PPIL6: variants seen among roughly 807,000 people sequenced by gnomAD.
PPIL6 encodes probable inactive peptidyl-prolyl cis-trans isomerase-like 6.
A neutral mutation model predicts 36.8 loss-of-function variants in PPIL6; 39 were observed. That is an observed-to-expected ratio of 1.06 (90% confidence interval 0.82 to 1.38). The LOEUF is 1.38. Among genes scored for constraint, PPIL6 ranks in the 40% most tolerant of loss-of-function variants. The pLI, the probability that PPIL6 is intolerant of heterozygous loss-of-function variation, is 0.00. For synonymous variants in PPIL6, 123 were observed against 134.1 expected, an observed-to-expected ratio of 0.92 and a Z score of 0.57; for missense variants, 368 against 379.1, an observed-to-expected ratio of 0.97 and a Z score of 0.24.
In PPIL6 at chr6:109,440,506, C is replaced by A; in HGVS notation, c.85G>T (p.Val29Leu). The A allele has an allele frequency of 1.3e-6, 2 of 1,526,572 alleles. No individual in the cohort carries two copies. The highest frequency in any genetic ancestry group is 1.8e-6 in the Non-Finnish European group (2 of 1,137,468). 94.6% of individuals were successfully genotyped at this position (1,526,572 alleles called of 1,614,324 possible). Residue 29 changes from valine to leucine, a missense_variant, in exon 1 of 8, where the codon GTG becomes TTG. Physicochemically the swap from Val to Leu is conservative, Grantham distance 32. Coordinates refer to ENST00000521072, the MANE Select transcript of PPIL6 (RefSeq NM_173672.5). ...LPERPLQVKV[V>L]GLFSCPNFQI... ...AAGTTGGGGCAGCTGAAGAGCCCCA[C>A]CACCTTCACCTGCAGCGGCCGCTCC...
At chr6:109,426,171 G>A (rs1773803690) in intron 5 of PPIL6, among the ~76,000 whole-genome samples, 1 of 152,310 alleles carries the variant, frequency 6.6e-6, no homozygotes, top group Non-Finnish European at 1.5e-5. Context: ...GCCTCAGAAT[G>A]TTCCAGATCA....
chr6:109,406,963 C>T (rs531739814), intron 6 of PPIL6, among the ~76,000 whole-genome samples: 37 of 152,282 alleles, frequency 2.4e-4, no homozygotes, highest in African/African-American at 8.9e-4. Context: ...TTTGCAGCAT[C>T]GTACAACAAA....
upstream of PPIL6, chr6:109,440,888 G>A (rs1774832997): frequency 3.6e-6 from 2 of 549,194 alleles, no homozygotes; most frequent in Admixed American, 7.3e-5. Context: ...CCGGATTTCG[G>A]CAGCGGATCG....
intron 1 of PPIL6, among the ~76,000 whole-genome samples, chr6:109,439,852 C>CA (rs1774700861): frequency 1.3e-5 from 2 of 152,306 alleles, no homozygotes; most frequent in African/African-American, 4.8e-5. Flanking sequence ...TGTGCTGCAG[C>CA]ATGACTGATC....
intron 6 of PPIL6, among the ~76,000 whole-genome samples, chr6:109,409,580 A>G (rs1240255088): frequency 7.6e-6 from 1 of 131,834 alleles, no homozygotes; most frequent in Non-Finnish European, 1.7e-5. Context: ...AAAAAAAAAG[A>G]AAGAGGTCAA....
At chr6:109,414,651 A>C (rs1773167347) in intron 6 of PPIL6, among the ~76,000 whole-genome samples, 2 of 151,356 alleles carry the variant, frequency 1.3e-5, no homozygotes, top group South Asian at 4.2e-4. Context: ...TGCCCAGCTA[A>C]TTTTTGTATT....
chr6:109,431,906 T>C (rs1432509802), intron 2 of PPIL6, among the ~76,000 whole-genome samples: 1 of 152,234 alleles, frequency 6.6e-6, no homozygotes, highest in Non-Finnish European at 1.5e-5. Context: ...TTTTGTTCTC[T>C]GGAGCACTCC....
At chr6:109,405,409 C>T (rs189064883) in intron 6 of PPIL6, among the ~76,000 whole-genome samples, 24 of 152,280 alleles carry the variant, frequency 1.6e-4, no homozygotes, top group African/African-American at 5.5e-4. Context: ...ACCTCCATCC[C>T]TTTCTTTTCC....
intron 5 of PPIL6, among the ~76,000 whole-genome samples, chr6:109,424,919 G>C (rs1167385486): frequency 1.3e-5 from 2 of 152,150 alleles, no homozygotes; most frequent in Non-Finnish European, 2.9e-5. Context: ...AGCCCTCAGG[G>C]GCTGCTGTGT....
intron 5 of PPIL6, among the ~76,000 whole-genome samples, chr6:109,421,066 C>T (rs544703493): frequency 3.3e-5 from 5 of 152,278 alleles, no homozygotes; most frequent in Middle Eastern, 3.4e-3. Context: ...GGGGTTGGTT[C>T]TCTCAGGGAA....
chr6:109,419,306 G>A (rs1458904355), intron 5 of PPIL6, 63 bp from the exon 6 acceptor site: 11 of 1,141,080 alleles, frequency 9.6e-6, no homozygotes, highest in Admixed American at 1.9e-5. Context: ...ATACAATAAT[G>A]ACAGGGAAAA....
At chr6:109,419,492 G>A in intron 5 of PPIL6, among the ~76,000 whole-genome samples, 1 of 152,000 alleles carries the variant, frequency 6.6e-6, no homozygotes, top group East Asian at 1.9e-4. Context: ...GGAAGCCGAG[G>A]CAGGCAGATC....
At chr6:109,429,060 A>G (rs1402051637) in intron 3 of PPIL6, among the ~76,000 whole-genome samples, 3 of 152,236 alleles carry the variant, frequency 2.0e-5, no homozygotes, top group Non-Finnish European at 2.9e-5. Flanking sequence ...ACAGGCAAGC[A>G]TATTTATCTA....
chr6:109,406,021 A>G (rs12207503), intron 6 of PPIL6, among the ~76,000 whole-genome samples: 2,356 of 151,994 alleles, frequency 0.016, 80 homozygotes, highest in Admixed American at 0.089. Context: ...CAATGCTGCA[A>G]AGTGTAGATT....
At chr6:109,407,126 A>T (rs527967792) in intron 6 of PPIL6, among the ~76,000 whole-genome samples, 1 of 152,302 alleles carries the variant, frequency 6.6e-6, no homozygotes, top group East Asian at 1.9e-4. Flanking sequence ...CTAGGACTAC[A>T]CATTGCTACT....
At chr6:109,412,095 G>C (rs182433282) in intron 6 of PPIL6, among the ~76,000 whole-genome samples, 8 of 152,338 alleles carry the variant, frequency 5.3e-5, no homozygotes, top group Admixed American at 4.6e-4. Context: ...TCAATCTACT[G>C]TTGCCGAGGC....
intron 1 of PPIL6, among the ~76,000 whole-genome samples, chr6:109,436,965 A>G (rs1774482789): frequency 6.6e-6 from 1 of 152,244 alleles, no homozygotes; most frequent in Non-Finnish European, 1.5e-5. Context: ...AAATAAATAA[A>G]TGTTCTTGCT....
intron 6 of PPIL6, among the ~76,000 whole-genome samples, chr6:109,402,283 C>T (rs944303596): frequency 2.0e-5 from 3 of 151,906 alleles, no homozygotes; most frequent in Admixed American, 6.6e-5. Flanking sequence ...TGCCTGTAAT[C>T]CCAGCACTTT....
intron 5 of PPIL6, among the ~76,000 whole-genome samples, chr6:109,424,817 G>A (rs995168934): frequency 6.6e-6 from 1 of 152,186 alleles, no homozygotes; most frequent in Admixed American, 6.5e-5. Context: ...GGCAACATCA[G>A]GAAGTTACCC....
Sources: allele counts gnomAD v4.1 joint callset (sites outside exome capture counted in the v4.1 genomes callset), GRCh38; gene constraint gnomAD v4.1.1; transcripts MANE v1.5; gene names NCBI Gene and HGNC (gene_info 2026-07-23, HGNC 2026-07-21).